SLC4A4: variants seen among roughly 807,000 people sequenced by gnomAD.
SLC4A4 encodes the protein solute carrier family 4 member 4.
SLC4A4 carries 27 observed loss-of-function variants against 111.5 expected under a neutral mutation model. That is an observed-to-expected ratio of 0.24 (90% CI 0.18 to 0.33). The LOEUF (loss-of-function observed/expected upper bound fraction) is 0.33, where lower values mean the gene tolerates loss of function less well. Among genes scored for constraint, SLC4A4 ranks in the 10% least tolerant of loss-of-function variants. SLC4A4 has a pLI of 1.00. For missense variants in SLC4A4, 909 were observed against 1,315.5 expected, an observed-to-expected ratio of 0.69 and a Z score of 4.78; for synonymous variants, 443 against 463.4, an observed-to-expected ratio of 0.96 and a Z score of 0.57.
At chr4:71,153,746 C>T (rs561010820) in intron 2 of SLC4A4, among the ~76,000 whole-genome samples, 11 of 152,224 alleles carry the variant, frequency 7.2e-5, no homozygotes, top group Non-Finnish European at 7.4e-5. Flanking sequence ...AGGCCAGACT[C>T]GCTGTCTACT....
intron 2 of SLC4A4, among the ~76,000 whole-genome samples, chr4:71,153,928 C>A (rs1223358825): frequency 6.6e-6 from 1 of 152,138 alleles, no homozygotes; most frequent in Non-Finnish European, 1.5e-5. Flanking sequence ...TCAGTAGCCA[C>A]CAGTCTAGTC....
At chr4:71,064,926 G>A (rs1287775442) in intron 1 of SLC4A4, among the ~76,000 whole-genome samples, 1 of 152,130 alleles carries the variant, frequency 6.6e-6, no homozygotes, top group Non-Finnish European at 1.5e-5. Context: ...GATTCAATAA[G>A]GTATCCATGC....
intron 2 of SLC4A4, among the ~76,000 whole-genome samples, chr4:71,131,535 A>G (rs1476540216): frequency 6.6e-6 from 1 of 152,236 alleles, no homozygotes; most frequent in Non-Finnish European, 1.5e-5. Context: ...GCTCAGAATA[A>G]GCAGCATTGT....
At chr4:71,562,133 C>G (rs1414396456) in intron 23 of SLC4A4, among the ~76,000 whole-genome samples, 1 of 151,720 alleles carries the variant, frequency 6.6e-6, no homozygotes, top group African/African-American at 2.4e-5. Flanking sequence ...TTACCATGTT[C>G]AACTCTGTGT....
intron 3 of SLC4A4, among the ~76,000 whole-genome samples, chr4:71,261,457 T>C (rs145847154): frequency 6.6e-6 from 1 of 152,334 alleles, no homozygotes; most frequent in East Asian, 1.9e-4. Flanking sequence ...AGTCAGCAAT[T>C]TGGAGGCAGT....
intron 7 of SLC4A4, among the ~76,000 whole-genome samples, chr4:71,439,797 G>A (rs1049099441): frequency 6.6e-6 from 1 of 151,306 alleles, no homozygotes; most frequent in Non-Finnish European, 1.5e-5. Context: ...TCAAATTTAC[G>A]TCTTCCCTCT....
intron 12 of SLC4A4, among the ~76,000 whole-genome samples, chr4:71,456,455 G>T (rs1726278020): frequency 6.6e-6 from 1 of 152,150 alleles, no homozygotes; most frequent in Non-Finnish European, 1.5e-5. Context: ...GGAATTTAAG[G>T]TGGAAGATAA....
At chr4:71,296,545 T>C (rs1333422698) in intron 3 of SLC4A4, among the ~76,000 whole-genome samples, 2 of 152,166 alleles carry the variant, frequency 1.3e-5, no homozygotes, top group Non-Finnish European at 2.9e-5. Flanking sequence ...GGGGGAACCA[T>C]TGGTACTTTT....
In SLC4A4 at chr4:71,534,401, A is replaced by G. The variant is rs1734225205; in HGVS notation, c.2442+13A>G. 6.2e-7 allele frequency: 1 copy of G among 1,612,208 alleles called. No homozygotes were observed. Among genetic ancestry groups the G allele is most frequent in the South Asian group, 1.1e-5 (1 of 91,038 alleles). On this transcript the variant is annotated intron_variant, in intron 18 of 25. Transcript: ENST00000264485. ...ACATAAACTCAAGGTAAGTGTCCAT[A>G]ATAATGTCTGTCATTGCCTTCTACT...
At chr4:71,344,647 T>C (rs946355323) in intron 4 of SLC4A4, among the ~76,000 whole-genome samples, 2 of 152,176 alleles carry the variant, frequency 1.3e-5, no homozygotes, top group Non-Finnish European at 2.9e-5. Flanking sequence ...GGTTCTGTTA[T>C]AAATCTACAG....
At chr4:71,356,894 A>G (rs1243051908) in intron 5 of SLC4A4, 114 bp from the exon 6 acceptor site, 13 of 967,560 alleles carry the variant, frequency 1.3e-5, no homozygotes, top group Non-Finnish European at 1.7e-5. Flanking sequence ...TTAGAAATTT[A>G]GAAAACAATA....
chr4:71,529,826 A>G (rs1039705584), intron 16 of SLC4A4, among the ~76,000 whole-genome samples: 1 of 152,120 alleles, frequency 6.6e-6, no homozygotes, highest in Non-Finnish European at 1.5e-5. Flanking sequence ...TGCATTTTCT[A>G]GGTGAGGATT....
Position 71,442,121 on chromosome 4 carries a change from C to A in SLC4A4, c.965+1348C>A, listed in dbSNP as rs58125186. Among the ~76,000 whole-genome samples the A allele has an allele frequency of 4.1e-3, 619 of 152,226 alleles. 29 individuals are homozygous for A. The East Asian group carries it at 0.097, about 24-fold the overall frequency. On this transcript the variant is annotated intron_variant, in intron 8 of 25. Coordinates refer to ENST00000264485, the MANE Select transcript of SLC4A4 (RefSeq NM_001098484.3). ...AAGTGTTAAAGAAAATTGCTCTTGG[C>A]TTTTCATTTTTATTACCATTTTTCT...
Position 71,188,724 on chromosome 4 carries a change from A to G in SLC4A4, c.-2+1323A>G, listed in dbSNP as rs371275824. On this transcript the variant is annotated intron_variant, in intron 1 of 25. Transcript: ENST00000264485. ...AATATTCAGTAGCTTTTTATAGCCA[A>G]TGTGATGTCTTTTGAAAACGTTTCT... is the stretch of plus-strand genomic sequence containing the variant. 1.1e-3 allele frequency among the ~76,000 whole-genome samples: 161 copies of G among 152,196 alleles called. 1 individual carries two copies. Among genetic ancestry groups the G allele is most frequent in the African/African-American group, 3.7e-3 (153 of 41,524 alleles).
intron 2 of SLC4A4, among the ~76,000 whole-genome samples, chr4:71,131,630 TA>T (rs1743710739): frequency 6.6e-6 from 1 of 152,238 alleles, no homozygotes; most frequent in African/African-American, 2.4e-5. Context: ...AAAGCTGTAT[TA>T]ATCTAGGATT....
intron 2 of SLC4A4, among the ~76,000 whole-genome samples, chr4:71,116,052 G>C (rs1355084983): frequency 1.3e-5 from 2 of 152,006 alleles, no homozygotes. Context: ...ACACCACGAC[G>C]CCTGGCTAAT....
intron 1 of SLC4A4, among the ~76,000 whole-genome samples, chr4:71,064,376 G>A (rs1281246473): frequency 2.0e-5 from 3 of 152,150 alleles, no homozygotes; most frequent in Non-Finnish European, 4.4e-5. Flanking sequence ...TCCAATTACA[G>A]CAATCCTTTT....
intron 3 of SLC4A4, among the ~76,000 whole-genome samples, chr4:71,328,993 T>C (rs1727727980): frequency 1.3e-5 from 2 of 152,148 alleles, no homozygotes; most frequent in Non-Finnish European, 2.9e-5. Flanking sequence ...TTGATTTTTG[T>C]ATATAGTGAG....
chr4:71,072,514 T>C (rs917187231), intron 1 of SLC4A4, among the ~76,000 whole-genome samples: 4 of 152,162 alleles, frequency 2.6e-5, no homozygotes, highest in Non-Finnish European at 4.4e-5. Context: ...CATAGTCTTC[T>C]CTTTTTATTC....
Sources: gnomAD v4.1 joint callset for allele counts (sites outside exome capture counted in the v4.1 genomes callset) on GRCh38, gnomAD v4.1.1 for gene constraint, MANE v1.5 for transcripts, NCBI Gene and HGNC (gene_info 2026-07-23, HGNC 2026-07-21) for gene names.